The following STARD9 variants were observed in gnomAD, a reference collection of about 807,000 sequenced individuals.
STARD9 encodes the protein stAR-related lipid transfer protein 9.
A neutral mutation model predicts 399.8 loss-of-function variants in STARD9; 346 were observed. That is an observed-to-expected ratio of 0.87 (90% CI 0.79 to 0.95). The LOEUF (loss-of-function observed/expected upper bound fraction) is 0.95. Ranked by LOEUF, STARD9 falls within the 40% of genes least tolerant of loss-of-function variation. The probability of loss-of-function intolerance (pLI) is 0.00; values close to 1 mark genes in which losing one functional copy is unlikely to be tolerated. For synonymous variants in STARD9, 2,203 were observed against 2,143.5 expected, an observed-to-expected ratio of 1.03 and a Z score of -0.77; for missense variants, 5,832 against 5,667.5, an observed-to-expected ratio of 1.03 and a Z score of -0.93.
Position 42,690,116 on chromosome 15 carries a change from AGGTAG to A in STARD9, c.8541_8545del (p.Arg2848LysfsTer28). The A allele has an allele frequency of 6.5e-7, 1 of 1,537,818 alleles. No individual in the cohort carries two copies. The highest frequency in any genetic ancestry group is 8.7e-7 in the Non-Finnish European group (1 of 1,147,042). On this transcript the variant is annotated frameshift_variant, in exon 23 of 33. Transcript: ENST00000290607. LOFTEE classifies it high-confidence loss of function. ...CTGAGGCTTCTACTGGCTTTGAAGA[AGGTAG>A]GGCAAGTCCCAAACAAGATACCATT...
At position 42,685,446 on chromosome 15, in the gene STARD9, C is replaced by T; in HGVS notation, c.3868C>T (p.His1290Tyr). The change falls in exon 23 of 33, where the codon CAT becomes TAT. Residue 1290 changes from histidine to tyrosine, a missense_variant. Transcript: ENST00000290607. ...CCAACCCCATTGTGAGCTCCAACCC[C>T]ATTGTGAGCTCCAACCCCATTGTGA... The part of the protein sequence containing the change: ...QFQPHCELQP[H>Y]CELQPHCELQ... 2.0e-6 allele frequency: 3 copies of T among 1,536,552 alleles called. No homozygotes were observed. The South Asian group carries it at 3.6e-5, about 18-fold the overall frequency.
At chr15:42,624,440 T>C (rs938237697) in intron 3 of STARD9, among the ~76,000 whole-genome samples, 11 of 148,024 alleles carry the variant, frequency 7.4e-5, no homozygotes, top group Non-Finnish European at 8.8e-5. Context: ...ACATTAGATA[T>C]ATTATCTAGA....
chr15:42,690,475 C>T lies in STARD9; in HGVS notation c.8897C>T (p.Ala2966Val), dbSNP rs1461898423. Residue 2966 changes from alanine to valine, a missense_variant, in exon 23 of 33, where the codon GCT becomes GTT. Coordinates refer to ENST00000290607, the MANE Select transcript of STARD9 (RefSeq NM_020759.3). Reference sequence around the variant, plus strand: ...AGTTCTCAACCTGTTGCTACTCATGCTTATTCCTCCCATTCCTCTACTTTA... The same window carrying T: ...AGTTCTCAACCTGTTGCTACTCATGTTTATTCCTCCCATTCCTCTACTTTA... ...PCSSQPVATH[A>V]YSSHSSTLLC... The T allele has an allele frequency of 2.0e-6, 3 of 1,537,114 alleles. No homozygotes were observed. The highest frequency in any genetic ancestry group is 1.7e-6 in the Non-Finnish European group (2 of 1,146,916).
intron 7 of STARD9, among the ~76,000 whole-genome samples, chr15:42,640,968 G>A (rs993774340): frequency 2.6e-5 from 4 of 152,144 alleles, no homozygotes; most frequent in African/African-American, 9.7e-5. Context: ...CACAGTTAGA[G>A]TTGGGACAGA....
chr15:42,638,768 C>T lies in STARD9; in HGVS notation c.515C>T (p.Thr172Ile), dbSNP rs915238483. The T allele has an allele frequency of 2.6e-6, 4 of 1,536,540 alleles. No individual in the cohort carries two copies. Among genetic ancestry groups the T allele is most frequent in the Non-Finnish European group, 3.5e-6 (4 of 1,146,446 alleles). ...LKQSGQKKSY[T>I]LRVREHPEMG... ...CAATCTGGTCAAAAAAAGTCCTATACCCTGCGGGTCAGGGAGCATCCAGAG... is the reference window on the plus strand; with the variant it reads ...CAATCTGGTCAAAAAAAGTCCTATATCCTGCGGGTCAGGGAGCATCCAGAG... Residue 172 changes from threonine to isoleucine, a missense_variant, in exon 7 of 33, where the codon ACC (threonine) becomes ATC (isoleucine). This residue lies in a region of STARD9 where 5,828 missense variants were observed against 5,651.1 expected (regional missense o/e 1.03). Transcript: ENST00000290607.
chr15:42,705,346 ATTG>A (rs1450131793), intron 26 of STARD9, among the ~76,000 whole-genome samples: 2 of 152,126 alleles, frequency 1.3e-5, no homozygotes, highest in East Asian at 1.9e-4. Context: ...TCTTTTGTGG[ATTG>A]TTGTTCAAAT....
intron 3 of STARD9, among the ~76,000 whole-genome samples, chr15:42,619,437 C>A (rs1022767771): frequency 2.0e-5 from 3 of 151,638 alleles, no homozygotes; most frequent in Admixed American, 6.6e-5. Flanking sequence ...TGGTGGCACA[C>A]ATCTGTAGTC....
At chr15:42,626,994 AG>A (rs2059240452) in intron 3 of STARD9, among the ~76,000 whole-genome samples, 1 of 151,620 alleles carries the variant, frequency 6.6e-6, no homozygotes, top group Non-Finnish European at 1.5e-5. Context: ...GAGGCCTCTC[AG>A]CCTCCCAAAG....
At chr15:42,613,942 GT>G (rs1162128929) in intron 3 of STARD9, among the ~76,000 whole-genome samples, 2 of 151,830 alleles carry the variant, frequency 1.3e-5, no homozygotes, top group Admixed American at 6.6e-5. Flanking sequence ...TCCAACCTGG[GT>G]GACAGAGCAA....
Position 42,693,979 on chromosome 15 carries a change from G to A in STARD9, c.12401G>A (p.Arg4134Lys), listed in dbSNP as rs760366937. Residue 4134 changes from arginine (R) to lysine (K), a missense_variant, in exon 23 of 33, where the codon AGG becomes AAG. Physicochemically the swap from Arg to Lys is conservative, Grantham distance 26 (BLOSUM62 2). This residue lies in a region of STARD9 where 5,828 missense variants were observed against 5,651.1 expected (regional missense o/e 1.03). Transcript: ENST00000290607. ...CCTGAGCACCAGCACCACAGTCTGA[G>A]GGACCTCCCGGTGCATAACAAATTT... is the stretch of plus-strand genomic sequence containing the variant. ...MAPEHQHHSL[R>K]DLPVHNKFSN... is the part of the protein sequence containing the mutation. The A allele has an allele frequency of 7.3e-6, 11 of 1,509,002 alleles. No individual in the cohort carries two copies. The highest frequency in any genetic ancestry group is 3.8e-5 in the South Asian group (3 of 79,580). 93.5% of individuals were successfully genotyped at this position (1,509,002 alleles called of 1,614,324 possible). A position where few individuals can be genotyped will look rare whatever the true frequency, so the allele number is the denominator to read the frequency against.
rs2060507224 is a variant in STARD9 at position 42,684,681 on chromosome 15, C to T, written c.3103C>T (p.Pro1035Ser). 6.5e-7 allele frequency: 1 copy of T among 1,537,198 alleles called. No homozygotes were observed. Among genetic ancestry groups the T allele is most frequent in the African/African-American group, 1.4e-5 (1 of 73,164 alleles). ...GACTTTTTGGACAGAATACAAACCA[C>T]CTTCTCCAAGCAGGGCATCAAAAAG... ...VKTFWTEYKP[P>S]SPSRASKRHQ... The change falls in exon 23 of 33, where the codon CCT (proline) becomes TCT (serine). Residue 1035 changes from proline (P) to serine (S), a missense_variant. By Grantham distance (74) the Pro-to-Ser change is moderately conservative (BLOSUM62 -1). Around this residue, in one of 2 missense-constraint regions of STARD9, gnomAD observed 5,828 missense variants for 5,651.1 expected, o/e 1.03. Coordinates refer to ENST00000290607, the MANE Select transcript of STARD9 (RefSeq NM_020759.3).
intron 7 of STARD9, among the ~76,000 whole-genome samples, chr15:42,649,716 T>C (rs1044844321): frequency 6.6e-6 from 1 of 151,554 alleles, no homozygotes; most frequent in Non-Finnish European, 1.5e-5. Context: ...CCCGCTACCA[T>C]GTCCAGCTAA....
intron 2 of STARD9, among the ~76,000 whole-genome samples, chr15:42,584,718 C>T (rs1466437241): frequency 1.3e-5 from 2 of 152,216 alleles, no homozygotes; most frequent in Non-Finnish European, 2.9e-5. Flanking sequence ...TTGCTTCTGA[C>T]TCTTCTGTCC....
chr15:42,701,572 T>C (rs996110594), intron 26 of STARD9, among the ~76,000 whole-genome samples: 1 of 152,172 alleles, frequency 6.6e-6, no homozygotes, highest in Non-Finnish European at 1.5e-5. Flanking sequence ...ACACTACTGA[T>C]TTTTGTATGT....
chr15:42,688,557 C>A lies in STARD9; in HGVS notation c.6979C>A (p.Leu2327Ile). Residue 2327 changes from leucine (L) to isoleucine (I), a missense_variant, in exon 23 of 33, where the codon CTT becomes ATT. Physicochemically the swap from Leu to Ile is conservative, Grantham distance 5. Transcript: ENST00000290607. ...CCGGACAGAATTCTGTACAGCTCCT[C>A]TTCACCAAGACCTGAGTAATACCTT... is the stretch of plus-strand genomic sequence containing the variant. ...LSRTEFCTAPLHQDLSNTLPL... is the reference protein window; with the variant it reads ...LSRTEFCTAPIHQDLSNTLPL... The A allele has an allele frequency of 6.5e-7, 1 of 1,537,794 alleles. No homozygotes were observed. Among genetic ancestry groups the A allele is most frequent in the Non-Finnish European group, 8.7e-7 (1 of 1,147,048 alleles).
chr15:42,712,585 A>AT (rs1277982844), intron 26 of STARD9, among the ~76,000 whole-genome samples: 3 of 152,114 alleles, frequency 2.0e-5, no homozygotes, highest in Non-Finnish European at 4.4e-5. Flanking sequence ...TATTTCCCCC[A>AT]TTGAATTGTC....
rs1566933807 is a variant in STARD9, at chr15:42,684,638, GCA to G, written c.3062_3063del (p.His1021ArgfsTer30). On this transcript the variant is annotated frameshift_variant, in exon 23 of 33. Coordinates refer to ENST00000290607, the MANE Select transcript of STARD9 (RefSeq NM_020759.3). LOFTEE classifies it high-confidence loss of function. ...YPHGPRQTAG[H>X]GKAVKTFWTE... ...CTCATGGACCCAGGCAGACTGCTGG[GCA>G]CGGAAAGGCAGTCAAGACTTTTTGG... The G allele has an allele frequency of 1.4e-5, 22 of 1,537,156 alleles. No individual in the cohort carries two copies. Among genetic ancestry groups the G allele is most frequent in the Non-Finnish European group, 1.7e-5 (20 of 1,146,892 alleles).
intron 3 of STARD9, among the ~76,000 whole-genome samples, chr15:42,623,628 A>G (rs1330919792): frequency 6.6e-6 from 1 of 152,196 alleles, no homozygotes; most frequent in East Asian, 1.9e-4. Context: ...TCCGTTGGGT[A>G]TGGCATAGAT....
intron 3 of STARD9, among the ~76,000 whole-genome samples, chr15:42,613,011 G>A (rs1209178758): frequency 1.1e-4 from 13 of 122,116 alleles, no homozygotes; most frequent in African/African-American, 1.1e-4. Context: ...AAAAAAAAAA[G>A]AGCAACATCT....
Sources: allele counts gnomAD v4.1 joint callset (sites outside exome capture counted in the v4.1 genomes callset), GRCh38; gene constraint gnomAD v4.1.1; regional missense constraint gnomAD v4.1.1; transcripts MANE v1.5; gene names NCBI Gene and HGNC (gene_info 2026-07-23, HGNC 2026-07-21).